USP24: variants seen among roughly 807,000 people sequenced by gnomAD.
USP24 encodes the protein ubiquitin specific peptidase 24.
In USP24, 97 loss-of-function variants were observed where a neutral mutation model predicts 361.6. The observed-to-expected ratio is 0.27, with a 90% CI of 0.23 to 0.32. USP24 has a LOEUF of 0.32. USP24 is among the 10% of genes least tolerant of loss of function. The probability of loss-of-function intolerance (pLI) is 1.00; values close to 1 mark genes in which losing one functional copy is unlikely to be tolerated. For synonymous variants in USP24, 1,098 were observed against 1,124.6 expected (o/e 0.98, Z 0.47); for missense variants, 2,353 against 3,165.6 (o/e 0.74, Z 6.16).
intron 24 of USP24, 58 bp downstream of exon 24, chr1:55,141,558 A>G: frequency 7.0e-7 from 1 of 1,423,666 alleles, no homozygotes; most frequent in Non-Finnish European, 9.7e-7. Context: ...AAAAAACACC[A>G]ATCATTTTAA....
At position 55,199,984 on chromosome 1, in the gene USP24, C is replaced by T. The variant is rs199777579; in HGVS notation, c.324+14806G>A. Among the ~76,000 whole-genome samples the T allele has an allele frequency of 7.9e-4, 121 of 152,252 alleles. No homozygotes were observed. The East Asian group carries it at 9.1e-3, about 11-fold the overall frequency. Reference sequence around the variant, plus strand: ...AGAGAGAATGAGGAAGATGCAAAAGCGGAAACTCCTGATAAAACCATCAGA... The same window carrying T: ...AGAGAGAATGAGGAAGATGCAAAAGTGGAAACTCCTGATAAAACCATCAGA... On this transcript the variant is annotated intron_variant, in intron 1 of 67. Coordinates refer to ENST00000294383, the MANE Select transcript of USP24 (RefSeq NM_015306.3).
rs147265860 is a variant in USP24 at position 55,146,426 on chromosome 1, G to A, written c.2251-317C>T. Among the ~76,000 whole-genome samples the A allele has an allele frequency of 3.0e-3, 460 of 152,276 alleles. 5 individuals carry two copies. The highest frequency in any genetic ancestry group is 0.01 in the African/African-American group (421 of 41,570). The stretch of plus-strand genomic sequence containing the variant: ...TAGTGAAGCCTTTCGACAAGTCTAG[G>A]AAGTAGTTAATATTATTCTGTCAAA... On this transcript the variant is annotated intron_variant, in intron 19 of 67. Transcript: ENST00000294383.
intron 3 of USP24, among the ~76,000 whole-genome samples, chr1:55,176,063 TAA>T (rs1649952301): frequency 6.6e-6 from 1 of 152,210 alleles, no homozygotes; most frequent in African/African-American, 2.4e-5. Context: ...CTAGTATAAT[TAA>T]GTCTTAATCT....
At chr1:55,120,457 C>T in intron 38 of USP24, 139 bp downstream of exon 38, 2 of 1,038,166 alleles carry the variant, frequency 1.9e-6, no homozygotes, top group Non-Finnish European at 2.7e-6. Flanking sequence ...CAAATGCCAT[C>T]TTTCAGGACC....
At chr1:55,162,788 T>C (rs561054979) in intron 7 of USP24, among the ~76,000 whole-genome samples, 13 of 152,292 alleles carry the variant, frequency 8.5e-5, no homozygotes, top group African/African-American at 3.1e-4. Context: ...AGTAGAATTT[T>C]CTACAGCAGA....
intron 31 of USP24, among the ~76,000 whole-genome samples, chr1:55,131,024 A>G (rs2100643657): frequency 6.6e-6 from 1 of 152,336 alleles, no homozygotes; most frequent in South Asian, 2.1e-4. Flanking sequence ...GAATTTAGAT[A>G]GTTGATGACA....
intron 26 of USP24, 22 bp downstream of exon 26, chr1:55,138,586 G>A (rs2100675667): frequency 6.6e-7 from 1 of 1,520,348 alleles, no homozygotes; most frequent in Non-Finnish European, 9.1e-7. Flanking sequence ...GAAAATGGCT[G>A]TAGTTCTTAA....
chr1:55,177,820 G>A, intron 2 of USP24, 147 bp downstream of exon 2: 1 of 705,588 alleles, frequency 1.4e-6, no homozygotes, highest in Non-Finnish European at 2.2e-6. Flanking sequence ...TTGGTTCAAA[G>A]CTTTTCTTCT....
At chr1:55,175,219 CTTTTTTTTTTTTTTT>C (rs3072970) in intron 3 of USP24, among the ~76,000 whole-genome samples, 4 of 66,928 alleles carry the variant, frequency 6.0e-5, no homozygotes, top group South Asian at 7.4e-4. Context: ...TACTGGGTCT[CTTTTTTTTTTTTTTT>C]TTTTTTTTTT....
intron 38 of USP24, among the ~76,000 whole-genome samples, chr1:55,119,364 C>G (rs1169655608): frequency 1.1e-4 from 17 of 151,966 alleles, no homozygotes; most frequent in Admixed American, 1.1e-3. Flanking sequence ...TACCTAGAGT[C>G]GTCAAATCCT....
rs762190987 is a variant in USP24 at position 55,162,233 on chromosome 1, A to G, written c.959T>C (p.Val320Ala). ...GGAGGAATTGAGGTACTCTGCACAC[A>G]CTCCTAAGGGCTGAATCAGTGCTGA... ...AVSALIQPLG[V>A]CAEYLNSSVV... Residue 320 changes from valine (V) to alanine (A), a missense_variant, in exon 8 of 68, where the codon GTG becomes GCG. By Grantham distance (64) the Val-to-Ala change is moderately conservative (BLOSUM62 0). This residue lies in a region of USP24 where 386 missense variants were observed against 560.5 expected (regional missense o/e 0.69). Transcript: ENST00000294383. The G allele has an allele frequency of 2.3e-5, 37 of 1,595,716 alleles. No individual in the cohort carries two copies. The highest frequency in any genetic ancestry group is 1.7e-4 in the Middle Eastern group (1 of 6,052).
chr1:55,122,204 C>A (rs1021914654), intron 36 of USP24, among the ~76,000 whole-genome samples: 2 of 152,086 alleles, frequency 1.3e-5, no homozygotes, highest in African/African-American at 4.8e-5. Flanking sequence ...GGAGTCTGGG[C>A]AGTGCAGGGG....
chr1:55,174,261 G>C (rs1398113553), intron 3 of USP24, among the ~76,000 whole-genome samples: 2 of 152,098 alleles, frequency 1.3e-5, no homozygotes, highest in African/African-American at 2.4e-5. Context: ...GGAGAGGGAT[G>C]GTCATCGAAC....
At chr1:55,107,669 C>T (rs1044415390) in intron 39 of USP24, among the ~76,000 whole-genome samples, 3 of 151,568 alleles carry the variant, frequency 2.0e-5, no homozygotes, top group African/African-American at 7.3e-5. Flanking sequence ...TGGTGAAACC[C>T]CATCTCTACT....
chr1:55,145,955 T>C, intron 20 of USP24, 43 bp downstream of exon 20: 1 of 1,338,832 alleles, frequency 7.5e-7, no homozygotes, highest in Non-Finnish European at 1.1e-6. Flanking sequence ...TAACACTTCT[T>C]ACTTAAAAGT....
At position 55,098,168 on chromosome 1, in the gene USP24, G is replaced by C. The variant is rs1012370109; in HGVS notation, c.5454-84C>G. ...ATCATAATACCTAAGCTTGAACACA[G>C]AACTACATTTTTAATCTGGGAGTCC... On this transcript the variant is annotated intron_variant, in intron 46 of 67. Transcript: ENST00000294383. 2.2e-6 allele frequency: 3 copies of C among 1,391,402 alleles called. No homozygotes were observed. The African/African-American group carries it at 4.3e-5, about 20-fold the overall frequency. The allele number at this position is 1,391,402 out of a possible 1,614,324, so 86.2% of individuals were successfully genotyped here.
chr1:55,162,490 T>C (rs1648394766), intron 7 of USP24, among the ~76,000 whole-genome samples: 1 of 152,136 alleles, frequency 6.6e-6, no homozygotes, highest in South Asian at 2.1e-4. Flanking sequence ...TCAGAATATG[T>C]CAATAAAACA....
chr1:55,106,120 C>G, intron 41 of USP24, 26 bp downstream of exon 41: 1 of 1,575,070 alleles, frequency 6.3e-7, no homozygotes, highest in Non-Finnish European at 8.7e-7. Flanking sequence ...TTTACCAAAA[C>G]TGAACACAAC....
At chr1:55,081,259 T>G in intron 59 of USP24, 63 bp downstream of exon 59, 2 of 1,471,904 alleles carry the variant, frequency 1.4e-6, no homozygotes, top group Admixed American at 1.8e-5. Context: ...TACTTGCTAA[T>G]ATAATTACTC....
Sources: gnomAD v4.1 joint callset for allele counts (sites outside exome capture counted in the v4.1 genomes callset) on GRCh38, gnomAD v4.1.1 for gene constraint, gnomAD v4.1.1 regional missense constraint, MANE v1.5 for transcripts, NCBI Gene and HGNC (gene_info 2026-07-23, HGNC 2026-07-21) for gene names.